Variants in LRRIQ3 observed in about 807,000 individuals in gnomAD.
LRRIQ3 encodes the protein leucine-rich repeat and IQ domain-containing protein 3.
Under a neutral mutation model 59.3 loss-of-function variants are expected in LRRIQ3, and 75 were observed. That is an observed-to-expected ratio of 1.26 (90% CI 1.05 to 1.53). The LOEUF is 1.53. Ranked by LOEUF, LRRIQ3 falls within the 40% of genes most tolerant of loss-of-function variation. The probability of loss-of-function intolerance (pLI) is 0.00; values close to 1 mark genes in which losing one functional copy is unlikely to be tolerated. For missense variants in LRRIQ3, 831 were observed against 710.0 expected (o/e 1.17, Z -1.94); for synonymous variants, 250 against 231.3 (o/e 1.08, Z -0.73).
chr1:74,043,501 A>G (rs1654110402), intron 6 of LRRIQ3, among the ~76,000 whole-genome samples: 1 of 152,128 alleles, frequency 6.6e-6, no homozygotes, highest in Non-Finnish European at 1.5e-5. Context: ...AGTCTAGCAA[A>G]TAGAAAAGGC....
chr1:74,084,919 C>T (rs756886461), intron 5 of LRRIQ3, among the ~76,000 whole-genome samples: 1 of 151,532 alleles, frequency 6.6e-6, no homozygotes, highest in Non-Finnish European at 1.5e-5. Flanking sequence ...TACTGGTAAC[C>T]CCCTTACTTT....
intron 3 of LRRIQ3, among the ~76,000 whole-genome samples, chr1:74,179,603 T>C (rs1306059874): frequency 6.6e-6 from 1 of 152,014 alleles, no homozygotes; most frequent in African/African-American, 2.4e-5. Flanking sequence ...CATCGGTTCA[T>C]ATTTATTCCT....
At chr1:74,061,641 T>C (rs1171532033) in intron 6 of LRRIQ3, among the ~76,000 whole-genome samples, 1 of 152,026 alleles carries the variant, frequency 6.6e-6, no homozygotes, top group Non-Finnish European at 1.5e-5. Flanking sequence ...CCTAAAACCA[T>C]GAAAACCCTG....
In LRRIQ3 at chr1:74,041,307, C is replaced by A. The variant is rs756769404; in HGVS notation, c.1624G>T (p.Glu542Ter). 5 of 1,613,554 alleles carry A rather than the reference C, an allele frequency of 3.1e-6. No individual in the cohort carries two copies. In the East Asian group the frequency reaches 6.7e-5, roughly 22 times the overall value. Residue 542 changes from glutamate to a stop codon, truncating the protein, a stop_gained, in exon 7 of 8, where the codon GAG becomes TAG. Coordinates refer to ENST00000354431, the MANE Select transcript of LRRIQ3 (RefSeq NM_001105659.2). LOFTEE classifies it high-confidence loss of function. The stretch of plus-strand genomic sequence containing the variant: ...AGGCTTTTCTCTTTTAGGACAGCCT[C>A]ATTCTTCTCCAGTCTGTCAATTTTA... ...LLKIDRLEKNEAVLKEKSLIV... is the reference protein window; with the variant it reads ...LLKIDRLEKN
At chr1:74,081,413 A>G (rs1319276504) in intron 5 of LRRIQ3, among the ~76,000 whole-genome samples, 1 of 151,638 alleles carries the variant, frequency 6.6e-6, no homozygotes, top group Non-Finnish European at 1.5e-5. Context: ...GGAGGCACCA[A>G]TGTGTAAATT....
chr1:74,083,342 A>G (rs946636417), intron 5 of LRRIQ3: 1 of 151,762 alleles, frequency 6.6e-6, no homozygotes, highest in Non-Finnish European at 1.5e-5. Context: ...CAAGACTCCA[A>G]TATTCCGGGG....
intron 4 of LRRIQ3, among the ~76,000 whole-genome samples, chr1:74,150,092 C>G (rs531178890): frequency 6.6e-6 from 1 of 152,296 alleles, no homozygotes; most frequent in African/African-American, 2.4e-5. Context: ...AGATGTGCCC[C>G]TTTCTGCCAT....
rs1653530584 is a variant in LRRIQ3, at chr1:74,026,887, G to C, written c.1801C>G (p.Gln601Glu). The C allele has an allele frequency of 1.2e-6, 2 of 1,606,996 alleles. No homozygotes were observed. The change falls in exon 8 of 8, where the codon CAA becomes GAA. Residue 601 changes from glutamine to glutamate, a missense_variant. Transcript: ENST00000354431. Reference sequence around the variant, plus strand: ...ATTGCTACTTTTGTTTTAGCATCTTGAAGTCTTTCACAGGCTTTTTCAAAG... The same window carrying C: ...ATTGCTACTTTTGTTTTAGCATCTTCAAGTCTTTCACAGGCTTTTTCAAAG... Reference protein sequence around the residue: ...IAFEKACERLQDAKTKVAIVK... With the variant: ...IAFEKACERLEDAKTKVAIVK...
intron 4 of LRRIQ3, among the ~76,000 whole-genome samples, chr1:74,141,401 A>C (rs1647250674): frequency 6.6e-6 from 1 of 151,920 alleles, no homozygotes; most frequent in Non-Finnish European, 1.5e-5. Flanking sequence ...GTTTGAGCTA[A>C]TATTTTACAC....
chr1:74,138,007 G>A (rs936601273), intron 4 of LRRIQ3, among the ~76,000 whole-genome samples: 2 of 151,548 alleles, frequency 1.3e-5, no homozygotes, highest in Non-Finnish European at 2.9e-5. Context: ...TGGGTTGGTG[G>A]GTGCAGCAAA....
intron 3 of LRRIQ3, among the ~76,000 whole-genome samples, chr1:74,161,794 A>G (rs1648676484): frequency 6.6e-6 from 1 of 151,932 alleles, no homozygotes; most frequent in South Asian, 2.1e-4. Flanking sequence ...GAGAACAAGT[A>G]AACTCCAGAC....
intron 5 of LRRIQ3, among the ~76,000 whole-genome samples, chr1:74,075,726 C>T (rs1314530338): frequency 2.0e-5 from 3 of 152,152 alleles, no homozygotes; most frequent in African/African-American, 7.2e-5. Flanking sequence ...CTGTTTTCCT[C>T]TTCACAGTTC....
At chr1:74,190,443 C>A (rs1650686736) in intron 1 of LRRIQ3, among the ~76,000 whole-genome samples, 2 of 148,164 alleles carry the variant, frequency 1.3e-5, no homozygotes, top group East Asian at 2.0e-4. Flanking sequence ...GAGGATATGT[C>A]AACAAAAACA....
At chr1:74,183,272 C>T (rs1292038278) in intron 2 of LRRIQ3, 164 bp downstream of exon 2, 13 of 500,800 alleles carry the variant, frequency 2.6e-5, no homozygotes, top group African/African-American at 6.0e-5. Context: ...TCAAAGTGTC[C>T]GTATTTATAT....
At chr1:74,160,838 T>C (rs1375068627) in intron 3 of LRRIQ3, among the ~76,000 whole-genome samples, 1 of 152,076 alleles carries the variant, frequency 6.6e-6, no homozygotes, top group African/African-American at 2.4e-5. Flanking sequence ...TAATGGATCC[T>C]GTCACTTGTT....
chr1:74,108,371 T>C lies in LRRIQ3; in HGVS notation c.867+1023A>G, dbSNP rs1646642367. Among the ~76,000 whole-genome samples, 3 of 151,810 alleles carry C rather than the reference T, an allele frequency of 2.0e-5. No homozygotes were observed. In the South Asian group the frequency reaches 6.2e-4, roughly 31 times the overall value. ...TATCATCTGGAGCAAATTAATACTG[T>C]TGGCACTGAGTGCTGATGAGGGACA... On this transcript the variant is annotated intron_variant, in intron 5 of 7. Coordinates refer to ENST00000354431, the MANE Select transcript of LRRIQ3 (RefSeq NM_001105659.2).
chr1:74,149,330 C>G (rs141370685), intron 4 of LRRIQ3, among the ~76,000 whole-genome samples: 5 of 152,246 alleles, frequency 3.3e-5, no homozygotes, highest in African/African-American at 1.2e-4. Context: ...AAAAGCACTT[C>G]AAGAATGTGT....
At chr1:74,172,707 C>T (rs1472122277) in intron 3 of LRRIQ3, among the ~76,000 whole-genome samples, 1 of 152,060 alleles carries the variant, frequency 6.6e-6, no homozygotes, top group African/African-American at 2.4e-5. Flanking sequence ...CTGTTTTCTC[C>T]TAATAACTGC....
intron 3 of LRRIQ3, among the ~76,000 whole-genome samples, chr1:74,173,012 T>C (rs1224756552): frequency 6.6e-6 from 1 of 152,042 alleles, no homozygotes; most frequent in Non-Finnish European, 1.5e-5. Context: ...TTTTTAAAAA[T>C]CCATTCAGGC....
Sources: allele counts gnomAD v4.1 joint callset (sites outside exome capture counted in the v4.1 genomes callset), GRCh38; gene constraint gnomAD v4.1.1; transcripts MANE v1.5; gene names NCBI Gene and HGNC (gene_info 2026-07-23, HGNC 2026-07-21).